The following NPAS4 variants were observed in gnomAD, a reference collection of about 807,000 sequenced individuals.
The protein encoded by NPAS4 is neuronal PAS domain protein 4, also known as neuronal PAS domain-containing protein 4.
In NPAS4, 10 loss-of-function variants were observed where a neutral mutation model predicts 64.0. The observed-to-expected ratio is 0.16, with a 90% CI of 0.10 to 0.26. NPAS4 has a LOEUF of 0.26. NPAS4 is among the 10% of genes least tolerant of loss of function. NPAS4 has a pLI of 1.00. For missense variants in NPAS4, 886 were observed against 992.6 expected (o/e 0.89, Z 1.44); for synonymous variants, 441 against 411.7 (o/e 1.07, Z -0.86).
At chr11:66,413,135 C>T in the NPAS4 span, among the ~76,000 whole-genome samples, 1 of 152,222 alleles carries the variant, frequency 6.6e-6, no homozygotes, top group Non-Finnish European at 1.5e-5. Flanking sequence ...CACCAAGTGC[C>T]AACAGAGGCC....
the NPAS4 span, among the ~76,000 whole-genome samples, chr11:66,414,738 G>A: frequency 1.3e-5 from 2 of 152,190 alleles, no homozygotes; most frequent in African/African-American, 4.8e-5. Flanking sequence ...AGCTCTGCGT[G>A]GGTTTCCTAT....
the NPAS4 span, among the ~76,000 whole-genome samples, chr11:66,414,960 A>C: frequency 6.6e-6 from 1 of 152,202 alleles, no homozygotes. Context: ...CTGAGAAGGC[A>C]TAGAGAGATT....
upstream of NPAS4, among the ~76,000 whole-genome samples, chr11:66,418,502 C>T (rs1245747003): frequency 1.3e-5 from 2 of 152,138 alleles, no homozygotes; most frequent in Admixed American, 6.5e-5. Context: ...GGAGTGGGAG[C>T]TGGCCTAGGG....
chr11:66,418,893 G>A (rs1478402208), upstream of NPAS4, among the ~76,000 whole-genome samples: 1 of 152,110 alleles, frequency 6.6e-6, no homozygotes, highest in Non-Finnish European at 1.5e-5. Context: ...AGCGGTCGGC[G>A]CAGTATTCCT....
rs1590697571 is a variant in NPAS4 at position 66,426,061 on chromosome 11, C to G, written c.*72C>G. ...GACGTGGAGCCGCTCTCCACCCCCC[C>G]GGGACTGTTGGGGGGATTCTGAGGG... On this transcript the variant is annotated 3_prime_UTR_variant, in exon 8 of 8. Coordinates refer to ENST00000311034, the MANE Select transcript of NPAS4 (RefSeq NM_178864.4). 3.8e-6 allele frequency: 4 copies of G among 1,062,810 alleles called. No homozygotes were observed. The highest frequency in any genetic ancestry group is 5.6e-6 in the Non-Finnish European group (4 of 710,230). 65.8% of individuals were successfully genotyped at this position (1,062,810 alleles called of 1,614,324 possible).
At position 66,424,311 on chromosome 11, in the gene NPAS4, G is replaced by A. The variant is rs1856804009; in HGVS notation, c.1421G>A (p.Ser474Asn). Residue 474 changes from serine to asparagine, a missense_variant, in exon 7 of 8, where the codon AGT becomes AAT. Physicochemically the swap from Ser to Asn is conservative, Grantham distance 46. This residue lies in a region of NPAS4 where 820 missense variants were observed against 855.5 expected (regional missense o/e 0.96). Transcript: ENST00000311034. The stretch of plus-strand genomic sequence containing the variant: ...TTCTCTGATCAGTTGACGCCCAGCA[G>A]TGCAACCTTCCCAGATCCACTAACT... ...ATFSDQLTPSSATFPDPLTSP... is the reference protein window; with the variant it reads ...ATFSDQLTPSNATFPDPLTSP... 2 of 1,614,164 alleles carry A rather than the reference G, an allele frequency of 1.2e-6. No homozygotes were observed. The highest frequency in any genetic ancestry group is 1.7e-6 in the Non-Finnish European group (2 of 1,180,036).
rs745451626 is a variant in NPAS4 at position 66,425,092 on chromosome 11, G to C, written c.2202G>C (p.Glu734Asp). 34 of 1,597,900 alleles carry C rather than the reference G, an allele frequency of 2.1e-5. No individual in the cohort carries two copies. The highest frequency in any genetic ancestry group is 2.8e-5 in the Non-Finnish European group (33 of 1,174,216). The change falls in exon 7 of 8, where the codon GAG becomes GAC. Residue 734 changes from glutamate to aspartate, a missense_variant. Glu to Asp is a conservative substitution (Grantham distance 45, BLOSUM62 2). This residue lies in a region of NPAS4 where 820 missense variants were observed against 855.5 expected (regional missense o/e 0.96). Coordinates refer to ENST00000311034, the MANE Select transcript of NPAS4 (RefSeq NM_178864.4). The part of the protein sequence containing the change: ...EEWGSGDPEA[E>D]GPGGAPSPCN... ...GGGGCTCAGGGGATCCTGAGGCAGA[G>C]GGCCCAGGAGGGGCCCCATCGCCTT...
chr11:66,418,573 G>T (rs1856695457), upstream of NPAS4, among the ~76,000 whole-genome samples: 1 of 152,106 alleles, frequency 6.6e-6, no homozygotes, highest in Non-Finnish European at 1.5e-5. Context: ...GAACTAGGAT[G>T]AGCCCTTCTC....
At chr11:66,413,257 C>T in the NPAS4 span, among the ~76,000 whole-genome samples, 2 of 152,198 alleles carry the variant, frequency 1.3e-5, no homozygotes, top group African/African-American at 4.8e-5. Flanking sequence ...AGGAAGAACT[C>T]GGCAGAGGAG....
At chr11:66,414,468 C>T in the NPAS4 span, among the ~76,000 whole-genome samples, 3 of 152,244 alleles carry the variant, frequency 2.0e-5, no homozygotes, top group South Asian at 4.2e-4. Context: ...CCCTCTCCCA[C>T]CCCCTCCATG....
At chr11:66,420,782 C>T (rs1465392689), upstream of NPAS4, among the ~76,000 whole-genome samples, 1 of 152,248 alleles carries the variant, frequency 6.6e-6, no homozygotes, top group Non-Finnish European at 1.5e-5. Flanking sequence ...GCGCCTTCCT[C>T]TCCGCTCAGC....
Position 66,426,399 on chromosome 11 carries a change from T to A in NPAS4, c.*410T>A, listed in dbSNP as rs1856838859. 5.7e-6 allele frequency: 1 copy of A among 175,434 alleles called. No homozygotes were observed. The highest frequency in any genetic ancestry group is 5.8e-5 in the Admixed American group (1 of 17,126). The allele number at this position is 175,434 out of a possible 1,614,324, so 10.9% of individuals were successfully genotyped here. A position where few individuals can be genotyped will look rare whatever the true frequency, so the allele number is the denominator to read the frequency against. On this transcript the variant is annotated 3_prime_UTR_variant, in exon 8 of 8. Transcript: ENST00000311034. ...GCCAGCCCGTGCCCTGAGGGGCTCTTGACACCCACGTAGAATTCTCTACAC... is the reference window on the plus strand; with the variant it reads ...GCCAGCCCGTGCCCTGAGGGGCTCTAGACACCCACGTAGAATTCTCTACAC...
At chr11:66,422,300 G>T in intron 2 of NPAS4, 29 bp downstream of exon 2, 9 of 1,612,384 alleles carry the variant, frequency 5.6e-6, no homozygotes, top group Non-Finnish European at 6.8e-6. Flanking sequence ...TTCAGCTGAG[G>T]CTGGGCATGG....
At chr11:66,421,908 G>T (rs1252878340) in intron 1 of NPAS4, among the ~76,000 whole-genome samples, 1 of 152,218 alleles carries the variant, frequency 6.6e-6, no homozygotes, top group Non-Finnish European at 1.5e-5. Flanking sequence ...GAGAGGAGCC[G>T]ACCCCGCTTT....
At chr11:66,411,970 A>G in the NPAS4 span, among the ~76,000 whole-genome samples, 1 of 152,020 alleles carries the variant, frequency 6.6e-6, no homozygotes, top group Non-Finnish European at 1.5e-5. Context: ...GAATTAATAC[A>G]CTCATCAGGT....
Position 66,422,175 on chromosome 11 carries a change from C to G in NPAS4, c.231C>G (p.Ile77Met), listed in dbSNP as rs144382366. 6.2e-7 allele frequency: 1 copy of G among 1,613,924 alleles called. No individual in the cohort carries two copies. Among genetic ancestry groups the G allele is most frequent in the Non-Finnish European group, 8.5e-7 (1 of 1,179,964 alleles). Residue 77 changes from isoleucine (I) to methionine (M), a missense_variant, in exon 2 of 8, where the codon ATC becomes ATG. Transcript: ENST00000311034. ...TCTCAGCTCAAGAGCTTGAGGACATCGTAGCGGCACTACCCGGCTTTCTGC... is the reference window on the plus strand; with the variant it reads ...TCTCAGCTCAAGAGCTTGAGGACATGGTAGCGGCACTACCCGGCTTTCTGC... The part of the protein sequence containing the change: ...GLLSAQELED[I>M]VAALPGFLLV...
chr11:66,420,933 AGCTT>A, upstream of NPAS4: 1 of 453,042 alleles, frequency 2.2e-6, no homozygotes, highest in Non-Finnish European at 4.0e-6. Flanking sequence ...CTCCCGCTGC[AGCTT>A]GCTTAGCCCA....
chr11:66,423,702 C>T lies in NPAS4; in HGVS notation c.933C>T (p.Asn311=). 1 of 1,614,188 alleles carries T rather than the reference C, an allele frequency of 6.2e-7. No individual in the cohort carries two copies. Among genetic ancestry groups the T allele is most frequent in the Non-Finnish European group, 8.5e-7 (1 of 1,180,024 alleles). The stretch of plus-strand genomic sequence containing the variant: ...CAGAGGGACCCATTACTGCCAATAA[C>T]TACCCAATCAGGTAAGCCACAAGCC... ...EGPEGPITAN[N]YPISDMEAWS... The change falls in exon 6 of 8, where the codon AAC becomes AAT. Residue 311 remains asparagine (N), a synonymous_variant. Transcript: ENST00000311034.
chr11:66,413,402 G>T, the NPAS4 span, among the ~76,000 whole-genome samples: 1 of 152,238 alleles, frequency 6.6e-6, no homozygotes, highest in Non-Finnish European at 1.5e-5. Context: ...GGCCAGACAG[G>T]CTGGAGGGCT....
Sources: gnomAD v4.1 joint callset for allele counts (sites outside exome capture counted in the v4.1 genomes callset) on GRCh38, gnomAD v4.1.1 for gene constraint, gnomAD v4.1.1 regional missense constraint, MANE v1.5 for transcripts, NCBI Gene and HGNC (gene_info 2026-07-23, HGNC 2026-07-21) for gene names.